EEFSEC: variants seen among roughly 807,000 people sequenced by gnomAD.
EEFSEC encodes the protein selenocysteine-specific elongation factor.
EEFSEC carries 43 observed loss-of-function variants against 42.1 expected under a neutral mutation model. That is an observed-to-expected ratio of 1.02 (90% confidence interval 0.80 to 1.32). The LOEUF (loss-of-function observed/expected upper bound fraction) is 1.32. Among genes scored for constraint, EEFSEC ranks in the 40% most tolerant of loss-of-function variants. The pLI is 0.00. For synonymous variants in EEFSEC, 354 were observed against 339.1 expected, an observed-to-expected ratio of 1.04 and a Z score of -0.48; for missense variants, 745 against 803.6, an observed-to-expected ratio of 0.93 and a Z score of 0.88.
chr3:128,358,160 G>A (rs2067479301), intron 5 of EEFSEC, 57 bp from the exon 6 acceptor site: 2 of 1,585,888 alleles, frequency 1.3e-6, no homozygotes, highest in Non-Finnish European at 1.7e-6. Context: ...CACAGTCACA[G>A]CTCTTTCAGT....
chr3:128,204,779 C>T (rs1328114066), intron 1 of EEFSEC, among the ~76,000 whole-genome samples: 1 of 152,250 alleles, frequency 6.6e-6, no homozygotes, highest in Admixed American at 6.5e-5. Flanking sequence ...GTGAGACCCT[C>T]CCGAGCTCAG....
chr3:128,294,181 C>T (rs1412310198), intron 4 of EEFSEC, among the ~76,000 whole-genome samples: 1 of 152,178 alleles, frequency 6.6e-6, no homozygotes, highest in Non-Finnish European at 1.5e-5. Flanking sequence ...ACTGGGGTGC[C>T]TTAGACCAGA....
chr3:128,348,827 C>CA (rs2067347749), intron 5 of EEFSEC, among the ~76,000 whole-genome samples: 5 of 152,212 alleles, frequency 3.3e-5, no homozygotes, highest in Admixed American at 3.3e-4. Context: ...CAGCCACATG[C>CA]AGATTCAGAC....
chr3:128,356,401 G>A (rs1219463741), intron 5 of EEFSEC, among the ~76,000 whole-genome samples: 2 of 152,106 alleles, frequency 1.3e-5, no homozygotes, highest in Non-Finnish European at 2.9e-5. Context: ...GTAGCTCTCT[G>A]GGGTGACCAC....
intron 2 of EEFSEC, among the ~76,000 whole-genome samples, chr3:128,255,813 T>C (rs1200001030): frequency 6.6e-6 from 1 of 151,620 alleles, no homozygotes; most frequent in Non-Finnish European, 1.5e-5. Flanking sequence ...AGTCTCTGGA[T>C]GTGAGTCCAG....
At chr3:128,160,235 ATCT>A (rs1164549457) in intron 1 of EEFSEC, among the ~76,000 whole-genome samples, 2 of 152,250 alleles carry the variant, frequency 1.3e-5, no homozygotes, top group African/African-American at 4.8e-5. Context: ...GTACAAAGTG[ATCT>A]TCTGGAGTTC....
chr3:128,227,016 G>A (rs1411015922), intron 1 of EEFSEC, among the ~76,000 whole-genome samples: 3 of 152,134 alleles, frequency 2.0e-5, no homozygotes, highest in East Asian at 3.9e-4. Flanking sequence ...GGCCCCTCTC[G>A]GGCCATTGCA....
intron 4 of EEFSEC, among the ~76,000 whole-genome samples, chr3:128,264,988 T>C (rs1223640868): frequency 6.6e-6 from 1 of 152,168 alleles, no homozygotes; most frequent in Non-Finnish European, 1.5e-5. Flanking sequence ...CTCTCCCTAA[T>C]TCTCATAGCG....
chr3:128,329,417 C>A (rs1192810051), intron 4 of EEFSEC, among the ~76,000 whole-genome samples: 2 of 152,146 alleles, frequency 1.3e-5, no homozygotes, highest in Non-Finnish European at 2.9e-5. Flanking sequence ...GCCCCACCCC[C>A]CCCCACCCCC....
chr3:128,396,654 G>A (rs1429941492), intron 6 of EEFSEC, among the ~76,000 whole-genome samples: 1 of 152,140 alleles, frequency 6.6e-6, no homozygotes, highest in Non-Finnish European at 1.5e-5. Flanking sequence ...TTGAGCTCAG[G>A]CCCACCACGT....
chr3:128,413,403 G>A (rs1338719891), downstream of EEFSEC, among the ~76,000 whole-genome samples: 1 of 152,162 alleles, frequency 6.6e-6, no homozygotes, highest in Non-Finnish European at 1.5e-5. Flanking sequence ...CAAGCCCAGT[G>A]CAGGGACCTC....
chr3:128,353,744 CAGA>C (rs2067417617), intron 5 of EEFSEC, among the ~76,000 whole-genome samples: 1 of 152,208 alleles, frequency 6.6e-6, no homozygotes, highest in Non-Finnish European at 1.5e-5. Context: ...CCTCTGGATC[CAGA>C]CAGTCTGAGT....
intron 1 of EEFSEC, among the ~76,000 whole-genome samples, chr3:128,185,062 A>G (rs1380492012): frequency 2.0e-5 from 3 of 152,206 alleles, no homozygotes; most frequent in Non-Finnish European, 4.4e-5. Context: ...CAAGTCTGCC[A>G]TACCTTATCC....
At chr3:128,279,979 A>G (rs1442657987) in intron 4 of EEFSEC, among the ~76,000 whole-genome samples, 1 of 152,218 alleles carries the variant, frequency 6.6e-6, no homozygotes, top group African/African-American at 2.4e-5. Context: ...ATCGAACACG[A>G]TGGTGCAGAT....
chr3:128,326,721 A>G (rs969248719), intron 4 of EEFSEC, among the ~76,000 whole-genome samples: 5 of 152,212 alleles, frequency 3.3e-5, no homozygotes, highest in Admixed American at 2.0e-4. Context: ...ACTGGATTCT[A>G]TTACATTTAA....
At chr3:128,362,615 C>T (rs1052370657) in intron 6 of EEFSEC, among the ~76,000 whole-genome samples, 4 of 152,210 alleles carry the variant, frequency 2.6e-5, no homozygotes, top group South Asian at 4.1e-4. Context: ...TTGAGGGGCA[C>T]GCGGAGCTTA....
rs536664432 is a variant in EEFSEC, at chr3:128,390,183, A to G, written c.1601-17886A>G. 3.9e-5 allele frequency among the ~76,000 whole-genome samples: 6 copies of G among 152,364 alleles called. No individual in the cohort carries two copies. The East Asian group carries it at 1.2e-3, about 29-fold the overall frequency. ...ATAATTTACATTGTTGTGACAACTC[A>G]AAGTCATGATTAACACAAAAGTGGG... On this transcript the variant is annotated intron_variant, in intron 6 of 6. Coordinates refer to ENST00000254730, the MANE Select transcript of EEFSEC (RefSeq NM_021937.5).
rs979298755 is a variant in EEFSEC, at chr3:128,408,282, G to T, written c.*23G>T. 4.6e-6 allele frequency: 7 copies of T among 1,536,028 alleles called. No homozygotes were observed. The African/African-American group carries it at 5.5e-5, about 12-fold the overall frequency. On this transcript the variant is annotated 3_prime_UTR_variant, in exon 7 of 7. Transcript: ENST00000254730. ...TGAGTGTCCGGTGACCTCCCCCAGG[G>T]CCTCCTTGCCCAGCCCAGTCCAGGC...
chr3:128,262,073 T>C, intron 2 of EEFSEC, 55 bp from the exon 3 acceptor site: 1 of 1,546,954 alleles, frequency 6.5e-7, no homozygotes, highest in African/African-American at 1.4e-5. Flanking sequence ...TGGACGTGCT[T>C]TGTGTCCATG....
Sources: gnomAD v4.1 joint callset for allele counts (sites outside exome capture counted in the v4.1 genomes callset) on GRCh38, gnomAD v4.1.1 for gene constraint, MANE v1.5 for transcripts, NCBI Gene and HGNC (gene_info 2026-07-23, HGNC 2026-07-21) for gene names.